Variants in KCND1 observed in about 807,000 individuals in gnomAD.
KCND1 encodes A-type voltage-gated potassium channel KCND1.
In KCND1, 11 loss-of-function variants were observed where a neutral mutation model predicts 31.8. That is an observed-to-expected ratio of 0.35 (90% CI 0.22 to 0.57). KCND1 has a LOEUF of 0.57. Among genes scored for constraint, KCND1 ranks in the 20% least tolerant of loss-of-function variants. The pLI, the probability that KCND1 is intolerant of heterozygous loss-of-function variation, is 0.85. For synonymous variants in KCND1, 234 were observed against 248.1 expected (o/e 0.94, Z 0.53); for missense variants, 471 against 596.8 (o/e 0.79, Z 2.20).
chrX:48,969,037 G>T, intron 1 of KCND1, 114 bp downstream of exon 1: 1 of 799,882 alleles, frequency 1.3e-6, no homozygotes, highest in Non-Finnish European at 1.8e-6. Context: ...CTGGGCGACA[G>T]AGTAAGACTC....
chrX:48,966,347 G>T, intron 4 of KCND1, 42 bp from the exon 5 acceptor site: 1 of 1,158,556 alleles, frequency 8.6e-7, no homozygotes, highest in Non-Finnish European at 1.2e-6. Context: ...CATCCCATGG[G>T]AGCTGATCCC....
chrX:48,969,785 G>T lies in KCND1; in HGVS notation c.487C>A (p.Pro163Thr), dbSNP rs1557058599. 5 of 1,207,799 alleles carry T rather than the reference G, an allele frequency of 4.1e-6. No homozygotes were observed. The highest frequency in any genetic ancestry group is 4.5e-6 in the Non-Finnish European group (4 of 893,823). ...AEQAGDGPAL[P>T]AGSSLRQRLW... ...CGCTGCCGCAGGGAGCTGCCTGCTG[G>T]CAGGGCTGGGCCGTCCCCGGCCTGC... Residue 163 changes from proline (P) to threonine (T), a missense_variant, in exon 1 of 6, where the codon CCA becomes ACA. This residue lies in a region of KCND1 where 212 missense variants were observed against 257.9 expected (regional missense o/e 0.82). Coordinates refer to ENST00000218176, the MANE Select transcript of KCND1 (RefSeq NM_004979.6).
At chrX:48,966,017 T>C (rs952259339) in intron 5 of KCND1, 38 bp downstream of exon 5, 2 of 1,194,279 alleles carry the variant, frequency 1.7e-6, no homozygotes, top group East Asian at 3.0e-5. Flanking sequence ...AGCTCTGAGC[T>C]TCCCCAGGTG....
chrX:48,971,497 G>A lies in KCND1; in HGVS notation c.-1226C>T, dbSNP rs1399459753. On this transcript the variant is annotated 5_prime_UTR_variant, in exon 1 of 6. Transcript: ENST00000218176. ...CCGAGGGGCTGGCGGTGTGTACTGG[G>A]CAGTGGCAGTAGCAGCAGCGGCAGC... 8.8e-6 allele frequency: 1 copy of A among 113,056 alleles called. No individual in the cohort carries two copies. Among genetic ancestry groups the A allele is most frequent in the African/African-American group, 3.3e-5 (1 of 30,622 alleles). The allele number at this position is 113,056 out of a possible 1,213,427, so 9.3% of individuals were successfully genotyped here. A position where few individuals can be genotyped will look rare whatever the true frequency, so the allele number is the denominator to read the frequency against.
chrX:48,970,020 G>A lies in KCND1; in HGVS notation c.252C>T (p.Phe84=), dbSNP rs782779582. ...GGCGGAACATGTCAGGGTCGCGATC[G>A]AAGAAGTACTCGCCTGAGTCAGCAT... ...FYDADSGEYF[F]DRDPDMFRHV... is the part of the protein sequence containing the mutation. The change falls in exon 1 of 6, where the codon TTC becomes TTT. Residue 84 remains phenylalanine (F), a synonymous_variant. Coordinates refer to ENST00000218176, the MANE Select transcript of KCND1 (RefSeq NM_004979.6). 2.3e-5 allele frequency: 28 copies of A among 1,210,117 alleles called. No homozygotes were observed. The highest frequency in any genetic ancestry group is 3.0e-5 in the East Asian group (1 of 33,781).
At chrX:48,966,492 G>A (rs948680263) in intron 4 of KCND1, 86 bp downstream of exon 4, 1 of 1,024,344 alleles carries the variant, frequency 9.8e-7, no homozygotes, top group Admixed American at 2.7e-5. Context: ...ACAATTTGTA[G>A]TGAGCCTCCC....
chrX:48,964,585 C>T (rs1056925305), intron 5 of KCND1, among the ~76,000 whole-genome samples: 7 of 108,961 alleles, frequency 6.4e-5, no homozygotes, highest in East Asian at 5.8e-4. Flanking sequence ...GGTATGGTGG[C>T]GGACACCTGT....
At position 48,966,051 on chromosome X, in the gene KCND1, T is replaced by A; in HGVS notation, c.1718+4A>T. ...TGTGGCTAGCAGGTAGGAGGGCTGCTTACCTCTGAGGGGCATGGCTCCTGC... is the reference window on the plus strand; with the variant it reads ...TGTGGCTAGCAGGTAGGAGGGCTGCATACCTCTGAGGGGCATGGCTCCTGC... On this transcript the variant is annotated splice_donor_region_variant and intron_variant, in intron 5 of 5. Transcript: ENST00000218176. 2 of 1,207,740 alleles carry A rather than the reference T, an allele frequency of 1.7e-6. No homozygotes were observed. The highest frequency in any genetic ancestry group is 2.2e-6 in the Non-Finnish European group (2 of 893,151).
In KCND1 at chrX:48,971,366, G is replaced by A. The variant is rs781999822; in HGVS notation, c.-1095C>T. The A allele has an allele frequency of 1.8e-5, 2 of 108,236 alleles. No individual in the cohort carries two copies. Among genetic ancestry groups the A allele is most frequent in the African/African-American group, 6.8e-5 (2 of 29,572 alleles). 8.9% of individuals were successfully genotyped at this position (108,236 alleles called of 1,213,427 possible). On this transcript the variant is annotated 5_prime_UTR_variant, in exon 1 of 6. Transcript: ENST00000218176. ...GGGTGGGGTGTTGAAAGGGAGTTGGGTGTGTCTCCAGGGAGGGGGGCTCCT... is the reference window on the plus strand; with the variant it reads ...GGGTGGGGTGTTGAAAGGGAGTTGGATGTGTCTCCAGGGAGGGGGGCTCCT...
At chrX:48,965,926 C>T in intron 5 of KCND1, 129 bp downstream of exon 5, 1 of 717,752 alleles carries the variant, frequency 1.4e-6, no homozygotes, top group South Asian at 2.9e-5. Flanking sequence ...AAGATAAGCC[C>T]AAGCTTCCAG....
intron 5 of KCND1, among the ~76,000 whole-genome samples, chrX:48,964,592 CTGTA>C (rs2064340706): frequency 9.2e-6 from 1 of 109,036 alleles, no homozygotes; most frequent in African/African-American, 3.3e-5. Context: ...TGGCGGACAC[CTGTA>C]ATCCCAGCCA....
chrX:48,964,750 G>A (rs1557057724), intron 5 of KCND1, among the ~76,000 whole-genome samples: 1 of 103,518 alleles, frequency 9.7e-6, no homozygotes, highest in Non-Finnish European at 2.0e-5. Flanking sequence ...GCAGCCAGGC[G>A]CGGTGGCTCA....
intron 5 of KCND1, among the ~76,000 whole-genome samples, chrX:48,964,720 CA>C (rs781959853): frequency 0.023 from 1,662 of 73,434 alleles, 25 homozygotes; most frequent in African/African-American, 0.047. Flanking sequence ...AACTTCGTCT[CA>C]AAAAAAAAAA....
Position 48,966,925 on chromosome X carries a change from G to A in KCND1, c.1284+19C>T. 3.3e-6 allele frequency: 4 copies of A among 1,209,111 alleles called. No homozygotes were observed. The highest frequency in any genetic ancestry group is 3.4e-6 in the Non-Finnish European group (3 of 893,870). ...GGGGTGTGGGGAGTAGGAGGTGCTCGGATGGAAAGTGCGGTTACCTGCTGT... is the reference window on the plus strand; with the variant it reads ...GGGGTGTGGGGAGTAGGAGGTGCTCAGATGGAAAGTGCGGTTACCTGCTGT... On this transcript the variant is annotated intron_variant, in intron 2 of 5. Coordinates refer to ENST00000218176, the MANE Select transcript of KCND1 (RefSeq NM_004979.6).
At chrX:48,966,363 C>T (rs1334680996) in intron 4 of KCND1, 58 bp from the exon 5 acceptor site, 2 of 1,141,529 alleles carry the variant, frequency 1.8e-6, no homozygotes, top group Non-Finnish European at 2.3e-6. Flanking sequence ...ATCCCACCCT[C>T]AAGCCTTTGC....
chrX:48,966,478 T>G, intron 4 of KCND1, 100 bp downstream of exon 4: 1 of 1,022,765 alleles, frequency 9.8e-7, no homozygotes, highest in Non-Finnish European at 1.3e-6. Context: ...TCTGTGTGAT[T>G]TCCACAATTT....
Position 48,967,012 on chromosome X carries a change from C to T in KCND1, c.1216G>A (p.Val406Ile). 1 of 1,210,314 alleles carries T rather than the reference C, an allele frequency of 8.3e-7. No individual in the cohort carries two copies. The highest frequency in any genetic ancestry group is 1.1e-6 in the Non-Finnish European group (1 of 894,902). Residue 406 changes from valine (V) to isoleucine (I), a missense_variant, in exon 2 of 6, where the codon GTC becomes ATC. Val to Ile is a conservative substitution (Grantham distance 29). Coordinates refer to ENST00000218176, the MANE Select transcript of KCND1 (RefSeq NM_004979.6). ...GVLVIALPVP[V>I]IVSNFSRIYH... is the part of the protein sequence containing the mutation. ...ATGCGGCTAAAGTTGGACACAATGA[C>T]TGGCACAGGCAGGGCAATGACCAAG... is the stretch of plus-strand genomic sequence containing the variant.
In KCND1 at chrX:48,964,347, T is replaced by C. The variant is rs1406853399; in HGVS notation, c.1719-1541A>G. Among the ~76,000 whole-genome samples the C allele has an allele frequency of 5.4e-5, 6 of 110,666 alleles. No homozygotes were observed. In the Admixed American group the frequency reaches 5.7e-4, roughly 11 times the overall value. On this transcript the variant is annotated intron_variant, in intron 5 of 5. Coordinates refer to ENST00000218176, the MANE Select transcript of KCND1 (RefSeq NM_004979.6). ...GCCTGGCCAACATGGCGAAACCCTGTCTCTACTAAAAATACAAAAATTAGC... is the reference window on the plus strand; with the variant it reads ...GCCTGGCCAACATGGCGAAACCCTGCCTCTACTAAAAATACAAAAATTAGC...
rs180843630 is a variant in KCND1, at chrX:48,963,776, C to T, written c.1719-970G>A. Among the ~76,000 whole-genome samples the T allele has an allele frequency of 8.0e-5, 9 of 112,063 alleles. No homozygotes were observed. The Admixed American group carries it at 8.5e-4, about 11-fold the overall frequency. ...CACAATGTGCATACATATGAAAATG[C>T]TATCTCTCATGGTTACTCCTAACAG... On this transcript the variant is annotated intron_variant, in intron 5 of 5. Transcript: ENST00000218176.
Sources: gnomAD v4.1 joint callset for allele counts (sites outside exome capture counted in the v4.1 genomes callset) on GRCh38, gnomAD v4.1.1 for gene constraint, gnomAD v4.1.1 regional missense constraint, MANE v1.5 for transcripts, NCBI Gene and HGNC (gene_info 2026-07-23, HGNC 2026-07-21) for gene names.